Variants in FOXP1 observed in about 807,000 individuals in gnomAD.
The protein encoded by FOXP1 is forkhead box P1, also known as forkhead box protein P1.
FOXP1 carries 15 observed loss-of-function variants against 98.2 expected under a neutral mutation model. That is an observed-to-expected ratio of 0.15 (90% confidence interval 0.10 to 0.24). The LOEUF is 0.24. Ranked by LOEUF, FOXP1 falls within the 10% of genes least tolerant of loss-of-function variation. FOXP1 has a pLI of 1.00. For synonymous variants in FOXP1, 371 were observed against 314.5 expected, an observed-to-expected ratio of 1.18 and a Z score of -1.90; for missense variants, 633 against 848.5, an observed-to-expected ratio of 0.75 and a Z score of 3.15.
At chr3:71,433,054 G>C (rs938009746) in intron 3 of FOXP1, among the ~76,000 whole-genome samples, 18 of 151,930 alleles carry the variant, frequency 1.2e-4, no homozygotes, top group Non-Finnish European at 2.4e-4. Context: ...ATAGTGACTT[G>C]AGTAACTCAT....
At chr3:71,097,180 C>G (rs1271559605) in intron 7 of FOXP1, among the ~76,000 whole-genome samples, 1 of 152,166 alleles carries the variant, frequency 6.6e-6, no homozygotes, top group Non-Finnish European at 1.5e-5. Flanking sequence ...ATCTGGGCTG[C>G]CACCTGTGTA....
intron 6 of FOXP1, among the ~76,000 whole-genome samples, chr3:71,146,564 C>G (rs1336299901): frequency 6.6e-6 from 1 of 152,084 alleles, no homozygotes; most frequent in Non-Finnish European, 1.5e-5. Context: ...TGGACCTTCA[C>G]AAAAGAGAGG....
chr3:71,193,364 G>A (rs1449504955), intron 6 of FOXP1, among the ~76,000 whole-genome samples: 1 of 127,590 alleles, frequency 7.8e-6, no homozygotes, highest in Non-Finnish European at 1.6e-5. Flanking sequence ...TAGCCAGGAT[G>A]GTCTCAATCT....
intron 2 of FOXP1, among the ~76,000 whole-genome samples, chr3:71,537,416 G>C (rs2044393218): frequency 6.6e-6 from 1 of 152,224 alleles, no homozygotes; most frequent in Admixed American, 6.5e-5. Context: ...TACTAGAAGG[G>C]AGTGAAGGAA....
intron 5 of FOXP1, among the ~76,000 whole-genome samples, chr3:71,269,354 T>A (rs916493837): frequency 6.6e-6 from 1 of 152,126 alleles, no homozygotes; most frequent in African/African-American, 2.4e-5. Context: ...AAAAAAAAGA[T>A]TCTGCAAAAC....
At chr3:71,239,265 C>G (rs976087908) in intron 5 of FOXP1, among the ~76,000 whole-genome samples, 2 of 152,128 alleles carry the variant, frequency 1.3e-5, no homozygotes, top group Non-Finnish European at 2.9e-5. Flanking sequence ...AAAAGCTGCC[C>G]AGGCACGGTG....
intron 5 of FOXP1, among the ~76,000 whole-genome samples, chr3:71,274,944 C>T (rs1381092018): frequency 2.0e-5 from 3 of 152,142 alleles, no homozygotes; most frequent in Non-Finnish European, 4.4e-5. Context: ...CGTTTAAATG[C>T]ATATTATACT....
intron 2 of FOXP1, among the ~76,000 whole-genome samples, chr3:71,547,088 T>C (rs1259653300): frequency 6.6e-6 from 1 of 152,182 alleles, no homozygotes; most frequent in Non-Finnish European, 1.5e-5. Context: ...TTTTAGGAAA[T>C]AAAACTCTTA....
At chr3:71,429,173 C>T (rs1357955829) in intron 3 of FOXP1, among the ~76,000 whole-genome samples, 1 of 152,136 alleles carries the variant, frequency 6.6e-6, no homozygotes, top group Non-Finnish European at 1.5e-5. Flanking sequence ...GAGTTATCAC[C>T]CACAACCTCG....
At chr3:71,013,653 A>G (rs572517391) in intron 12 of FOXP1, among the ~76,000 whole-genome samples, 53 of 150,474 alleles carry the variant, frequency 3.5e-4, no homozygotes, top group Non-Finnish European at 5.6e-4. Context: ...GAACTACTTT[A>G]AAGTTCATAT....
At chr3:71,206,827 T>G (rs2064073897) in intron 5 of FOXP1, among the ~76,000 whole-genome samples, 2 of 152,348 alleles carry the variant, frequency 1.3e-5, no homozygotes, top group Admixed American at 1.3e-4. Flanking sequence ...CTCTGGTGGG[T>G]CTTGGTTCGC....
chr3:71,385,786 G>A (rs1022871963), intron 3 of FOXP1, among the ~76,000 whole-genome samples: 1 of 152,018 alleles, frequency 6.6e-6, no homozygotes, highest in Non-Finnish European at 1.5e-5. Context: ...TTATATCGTG[G>A]TCTCCTTCTC....
Position 70,986,298 on chromosome 3 carries a change from G to A in FOXP1, c.1146+1696C>T, listed in dbSNP as rs550298150. On this transcript the variant is annotated intron_variant, in intron 14 of 20. Coordinates refer to ENST00000649528, the MANE Select transcript of FOXP1 (RefSeq NM_001349338.3). ...CACCCAGCCCGGTCACTCGCCAAGCGCCCTACGGGGTTTTGTAGTTCCTTA... is the reference window on the plus strand; with the variant it reads ...CACCCAGCCCGGTCACTCGCCAAGCACCCTACGGGGTTTTGTAGTTCCTTA... Among the ~76,000 whole-genome samples, 6 of 152,290 alleles carry A rather than the reference G, an allele frequency of 3.9e-5. No homozygotes were observed. In the South Asian group the frequency reaches 6.2e-4, roughly 16 times the overall value.
At position 71,485,787 on chromosome 3, in the gene FOXP1, AG is replaced by A. The variant is rs1401782958; in HGVS notation, c.-168+7638del. ...AGACTCCATCAAAAAAAAAAAAAAA[AG>A]AACCACAGAAATAATGCAGTGTTGA... On this transcript the variant is annotated intron_variant, in intron 3 of 20. Coordinates refer to ENST00000649528, the MANE Select transcript of FOXP1 (RefSeq NM_001349338.3). 4.6e-5 allele frequency among the ~76,000 whole-genome samples: 7 copies of A among 151,864 alleles called. 1 individual carries two copies. In the South Asian group the frequency reaches 1.0e-3, roughly 23 times the overall value.
At chr3:71,235,402 T>C (rs139421540) in intron 5 of FOXP1, among the ~76,000 whole-genome samples, 12 of 152,326 alleles carry the variant, frequency 7.9e-5, no homozygotes, top group Admixed American at 3.9e-4. Flanking sequence ...CAACATTGCT[T>C]TGATTTGGCA....
chr3:71,480,173 A>G (rs966126985), intron 3 of FOXP1, among the ~76,000 whole-genome samples: 1 of 152,206 alleles, frequency 6.6e-6, no homozygotes, highest in Non-Finnish European at 1.5e-5. Flanking sequence ...TGGGTGACAA[A>G]GCAAGACTCT....
In FOXP1 at chr3:70,996,203, C is replaced by T. The variant is rs558267803; in HGVS notation, c.1062+4769G>A. 5.7e-4 allele frequency among the ~76,000 whole-genome samples: 87 copies of T among 152,254 alleles called. 2 individuals carry two copies. The South Asian group carries it at 0.016, about 29-fold the overall frequency. On this transcript the variant is annotated intron_variant, in intron 13 of 20. Coordinates refer to ENST00000649528, the MANE Select transcript of FOXP1 (RefSeq NM_001349338.3). The stretch of plus-strand genomic sequence containing the variant: ...ATCTCCATGTTGGTCAGGCTGGTCT[C>T]GAACTCCCGACCTTAGGTGATCTGC...
intron 20 of FOXP1, among the ~76,000 whole-genome samples, chr3:70,964,087 AAC>A (rs1361819792): frequency 6.6e-6 from 1 of 152,240 alleles, no homozygotes; most frequent in Non-Finnish European, 1.5e-5. Flanking sequence ...CAAAAAGAGT[AAC>A]AGTCTATTAC....
intron 7 of FOXP1, chr3:71,064,898 G>A: frequency 5.2e-6 from 4 of 767,470 alleles, no homozygotes; most frequent in Non-Finnish European, 6.3e-6. Flanking sequence ...CGTGGGGTCC[G>A]GCGGCCTCGG....
Sources: gnomAD v4.1 joint callset for allele counts (sites outside exome capture counted in the v4.1 genomes callset) on GRCh38, gnomAD v4.1.1 for gene constraint, MANE v1.5 for transcripts, NCBI Gene and HGNC (gene_info 2026-07-23, HGNC 2026-07-21) for gene names.